Variants in NEK10 observed in about 807,000 individuals in gnomAD.
NEK10 encodes serine/threonine-protein kinase Nek10.
NEK10 carries 122 observed loss-of-function variants against 159.8 expected under a neutral mutation model. That is an observed-to-expected ratio of 0.76 (90% confidence interval 0.66 to 0.89). NEK10 has a LOEUF of 0.89. NEK10 is among the 40% of genes least tolerant of loss of function. NEK10 has a pLI of 0.00. For synonymous variants in NEK10, 466 were observed against 457.1 expected (o/e 1.02, Z -0.25); for missense variants, 1,342 against 1,323.1 (o/e 1.01, Z -0.22).
At chr3:27,314,035 T>C (rs1027144495) in intron 7 of NEK10, among the ~76,000 whole-genome samples, 4 of 152,218 alleles carry the variant, frequency 2.6e-5, no homozygotes, top group African/African-American at 9.6e-5. Context: ...TATTACTAGC[T>C]AAAGACATGT....
At chr3:27,189,340 C>G (rs1364450343) in intron 26 of NEK10, among the ~76,000 whole-genome samples, 1 of 151,954 alleles carries the variant, frequency 6.6e-6, no homozygotes, top group African/African-American at 2.4e-5. Context: ...GAAATAGAAA[C>G]CTTTAATGTT....
chr3:27,226,056 G>A (rs1360882649), intron 23 of NEK10, among the ~76,000 whole-genome samples: 4 of 151,992 alleles, frequency 2.6e-5, no homozygotes, highest in African/African-American at 9.7e-5. Context: ...TTTTGAGACG[G>A]AGTCTCGCTC....
intron 6 of NEK10, among the ~76,000 whole-genome samples, chr3:27,317,729 A>G (rs537037470): frequency 6.6e-6 from 1 of 152,312 alleles, no homozygotes; most frequent in African/African-American, 2.4e-5. Context: ...ACACTGAATC[A>G]CTGACATGAC....
intron 35 of NEK10, 43 bp downstream of exon 35, chr3:27,115,897 C>T: frequency 1.4e-6 from 2 of 1,399,662 alleles, no homozygotes; most frequent in Non-Finnish European, 2.0e-6. Context: ...ATCTGATGAC[C>T]TCAATTCATC....
At chr3:27,350,985 T>A (rs867885389) in intron 3 of NEK10, among the ~76,000 whole-genome samples, 5 of 152,034 alleles carry the variant, frequency 3.3e-5, no homozygotes, top group Non-Finnish European at 5.9e-5. Flanking sequence ...GAGGCAAAAG[T>A]CAAAGTTGCT....
chr3:27,326,048 A>G (rs1559504859), intron 5 of NEK10, among the ~76,000 whole-genome samples: 1 of 152,224 alleles, frequency 6.6e-6, no homozygotes, highest in Non-Finnish European at 1.5e-5. Context: ...TCCAGGATGT[A>G]CTATGGGTTC....
rs766899669 is a variant in NEK10, at chr3:27,284,976, C to G, written c.1790-15G>C. ...CAACCTATCATCTATATAAATATCA[C>G]AAAAGGTCACAGAAATTTAAACTCA... On this transcript the variant is annotated splice_polypyrimidine_tract_variant and intron_variant, in intron 20 of 35. Coordinates refer to ENST00000691995, the MANE Select transcript of NEK10 (RefSeq NM_001394966.1). 4 of 1,569,290 alleles carry G rather than the reference C, an allele frequency of 2.5e-6. No homozygotes were observed.
At chr3:27,209,105 C>T (rs1950781235) in intron 23 of NEK10, among the ~76,000 whole-genome samples, 2 of 142,146 alleles carry the variant, frequency 1.4e-5, no homozygotes, top group Admixed American at 7.4e-5. Context: ...GCTTTATCCA[C>T]TAAAAAATAG....
At chr3:27,290,864 T>G in intron 18 of NEK10, 110 bp from the exon 19 acceptor site, 1 of 788,938 alleles carries the variant, frequency 1.3e-6, no homozygotes, top group Non-Finnish European at 2.0e-6. Flanking sequence ...AACTAAGTCA[T>G]ATAAATAAGT....
chr3:27,313,476 A>G (rs559088180), intron 7 of NEK10, among the ~76,000 whole-genome samples: 5 of 151,936 alleles, frequency 3.3e-5, no homozygotes, highest in Non-Finnish European at 7.4e-5. Context: ...TTGTTTGAAA[A>G]TGTTTTGAAC....
At chr3:27,221,894 G>A (rs968070734) in intron 23 of NEK10, among the ~76,000 whole-genome samples, 3 of 152,186 alleles carry the variant, frequency 2.0e-5, no homozygotes, top group Admixed American at 2.0e-4. Context: ...GCTTGGCTGA[G>A]GCAGTGCTTT....
intron 12 of NEK10, among the ~76,000 whole-genome samples, chr3:27,303,816 G>C (rs1188163092): frequency 6.6e-6 from 1 of 152,164 alleles, no homozygotes; most frequent in Non-Finnish European, 1.5e-5. Context: ...ATAATATCTA[G>C]TTATATGAAA....
intron 23 of NEK10, among the ~76,000 whole-genome samples, chr3:27,235,926 A>G (rs1042787864): frequency 6.6e-6 from 1 of 152,192 alleles, no homozygotes; most frequent in African/African-American, 2.4e-5. Context: ...TGATACATAT[A>G]AAGAAAATGT....
In NEK10 at chr3:27,197,320, C is replaced by T. The variant is rs549342291; in HGVS notation, c.2291+4190G>A. Among the ~76,000 whole-genome samples, 24 of 151,838 alleles carry T rather than the reference C, an allele frequency of 1.6e-4. No homozygotes were observed. The East Asian group carries it at 2.1e-3, about 14-fold the overall frequency. On this transcript the variant is annotated intron_variant, in intron 25 of 35. Coordinates refer to ENST00000691995, the MANE Select transcript of NEK10 (RefSeq NM_001394966.1). Reference sequence around the variant, plus strand: ...CCTCCCGAGTAGCTGGAATTACAGGCGCACACCACCAGGCCTGGCTAATTT... The same window carrying T: ...CCTCCCGAGTAGCTGGAATTACAGGTGCACACCACCAGGCCTGGCTAATTT...
intron 6 of NEK10, among the ~76,000 whole-genome samples, chr3:27,320,708 A>T (rs1482500372): frequency 6.6e-6 from 1 of 152,218 alleles, no homozygotes; most frequent in African/African-American, 2.4e-5. Context: ...GCCCTGGCTC[A>T]CATATCCAAA....
chr3:27,278,652 A>G lies in NEK10; in HGVS notation c.2014+5950T>C, dbSNP rs147385574. On this transcript the variant is annotated intron_variant, in intron 22 of 35. Coordinates refer to ENST00000691995, the MANE Select transcript of NEK10 (RefSeq NM_001394966.1). ...GTACTAAAGTCCATGCCTGAAATCT[A>G]TTAACTATAATTAAATGAGTTTTGT... is the stretch of plus-strand genomic sequence containing the variant. The G allele has an allele frequency of 9.0e-5, 86 of 958,890 alleles. No individual in the cohort carries two copies. In the East Asian group the frequency reaches 4.8e-3, roughly 54 times the overall value. 59.4% of individuals were successfully genotyped at this position (958,890 alleles called of 1,614,324 possible). A position where few individuals can be genotyped will look rare whatever the true frequency, so the allele number is the denominator to read the frequency against.
chr3:27,214,365 G>A lies in NEK10; in HGVS notation c.2091-11808C>T, dbSNP rs1034843897. ...CTCTTCAAGTATTTTACGGAGCTTGGCTTTTTTCATCAATAATTTCTAGGT... is the reference window on the plus strand; with the variant it reads ...CTCTTCAAGTATTTTACGGAGCTTGACTTTTTTCATCAATAATTTCTAGGT... On this transcript the variant is annotated intron_variant, in intron 23 of 35. Transcript: ENST00000691995. Among the ~76,000 whole-genome samples the A allele has an allele frequency of 2.0e-5, 3 of 152,056 alleles. No individual in the cohort carries two copies. In the South Asian group the frequency reaches 6.2e-4, roughly 32 times the overall value.
At chr3:27,177,557 T>A (rs11718294) in intron 26 of NEK10, among the ~76,000 whole-genome samples, 921 of 72,234 alleles carry the variant, frequency 0.013, 9 homozygotes, top group African/African-American at 0.035. Flanking sequence ...AAAAAAAAAA[T>A]ATATATATAT....
At chr3:27,232,691 A>G (rs1177409492) in intron 23 of NEK10, among the ~76,000 whole-genome samples, 2 of 152,118 alleles carry the variant, frequency 1.3e-5, no homozygotes, top group Non-Finnish European at 2.9e-5. Context: ...AGCAAACAGC[A>G]TGTTACTGGT....
Sources: gnomAD v4.1 joint callset for allele counts (sites outside exome capture counted in the v4.1 genomes callset) on GRCh38, gnomAD v4.1.1 for gene constraint, MANE v1.5 for transcripts, NCBI Gene and HGNC (gene_info 2026-07-23, HGNC 2026-07-21) for gene names.